Variants in HIP1 observed in about 807,000 individuals in gnomAD.
The protein encoded by HIP1 is huntingtin-interacting protein 1.
In HIP1, 65 loss-of-function variants were observed where a neutral mutation model predicts 147.6. The ratio of observed to expected loss-of-function variants is 0.44; its 90% CI spans 0.36 to 0.54. The LOEUF is 0.54. HIP1 is among the 20% of genes least tolerant of loss of function. The probability of loss-of-function intolerance (pLI) is 0.00; values close to 1 mark genes in which losing one functional copy is unlikely to be tolerated. For missense variants in HIP1, 1,061 were observed against 1,299.6 expected (o/e 0.82, Z 2.82); for synonymous variants, 479 against 504.0 (o/e 0.95, Z 0.67).
At position 75,573,822 on chromosome 7, in the gene HIP1, G is replaced by A. The variant is rs1795736113; in HGVS notation, c.684C>T (p.Val228=). Residue 228 remains valine, a synonymous_variant, in exon 8 of 31, where the codon GTC becomes GTT. Coordinates refer to ENST00000336926, the MANE Select transcript of HIP1 (RefSeq NM_005338.7). ...GQCRLAPLIQ[V]ILDCSHLYDY... ...CATAAAGGTGGCTGCAGTCCAAGAT[G>A]ACCTGGATCAGCGGGGCGAGGCGGC... The A allele has an allele frequency of 3.1e-6, 5 of 1,614,124 alleles. No homozygotes were observed. The East Asian group carries it at 8.9e-5, about 29-fold the overall frequency.
At chr7:75,692,395 G>T (rs2117300781) in intron 1 of HIP1, among the ~76,000 whole-genome samples, 1 of 151,084 alleles carries the variant, frequency 6.6e-6, no homozygotes, top group Non-Finnish European at 1.5e-5. Flanking sequence ...AAGCAGCTGG[G>T]ACTACAGGCA....
intron 1 of HIP1, among the ~76,000 whole-genome samples, chr7:75,630,831 A>C (rs1371670652): frequency 1.3e-5 from 2 of 152,186 alleles, no homozygotes; most frequent in African/African-American, 4.8e-5. Flanking sequence ...TGCAAGAAGC[A>C]ATGCTCCCCT....
chr7:75,600,283 G>C (rs937108755), intron 1 of HIP1, among the ~76,000 whole-genome samples: 28 of 151,762 alleles, frequency 1.8e-4, no homozygotes, highest in Non-Finnish European at 2.1e-4. Flanking sequence ...ACTAATTTTT[G>C]TATTTTTAGT....
chr7:75,556,596 G>T, intron 17 of HIP1, 114 bp downstream of exon 17: 1 of 691,950 alleles, frequency 1.4e-6, no homozygotes, highest in Non-Finnish European at 2.6e-6. Flanking sequence ...AAGTGGGGAG[G>T]ATCACCTGAG....
At chr7:75,594,090 G>A (rs1269677506) in intron 2 of HIP1, among the ~76,000 whole-genome samples, 6 of 152,160 alleles carry the variant, frequency 3.9e-5, no homozygotes, top group African/African-American at 1.4e-4. Flanking sequence ...AGATCAGCCT[G>A]ACCAATGTGG....
At chr7:75,713,748 G>A (rs1268016303) in intron 1 of HIP1, among the ~76,000 whole-genome samples, 2 of 151,632 alleles carry the variant, frequency 1.3e-5, no homozygotes, top group African/African-American at 4.9e-5. Context: ...CCAGGCTGGA[G>A]TGCAGTGGCA....
chr7:75,541,091 C>T (rs1215894912), intron 29 of HIP1, among the ~76,000 whole-genome samples: 2 of 151,288 alleles, frequency 1.3e-5, no homozygotes, highest in Non-Finnish European at 2.9e-5. Flanking sequence ...TAGTAAGACC[C>T]CGTCTCTATC....
At chr7:75,554,984 T>C (rs147359763) in intron 19 of HIP1, among the ~76,000 whole-genome samples, 3,255 of 151,938 alleles carry the variant, frequency 0.021, 53 homozygotes, top group Non-Finnish European at 0.029. Flanking sequence ...GGTGGGTGGA[T>C]AGCCTGAGCC....
At chr7:75,703,270 C>T (rs1401380403) in intron 1 of HIP1, among the ~76,000 whole-genome samples, 1 of 151,950 alleles carries the variant, frequency 6.6e-6, no homozygotes, top group Admixed American at 6.6e-5. Context: ...ACAGCCTGAA[C>T]CCAGGAGGCG....
intron 1 of HIP1, among the ~76,000 whole-genome samples, chr7:75,691,770 A>G (rs1238189628): frequency 6.6e-6 from 1 of 152,176 alleles, no homozygotes; most frequent in Non-Finnish European, 1.5e-5. Context: ...CCTGGGCAAC[A>G]AGAGCAAAAC....
At chr7:75,615,118 G>C (rs587678752) in intron 1 of HIP1, among the ~76,000 whole-genome samples, 8 of 152,260 alleles carry the variant, frequency 5.3e-5, no homozygotes, top group African/African-American at 1.2e-4. Context: ...GGGCAAGGCT[G>C]CCACACAGAT....
At chr7:75,733,555 A>T (rs985104636) in intron 1 of HIP1, 2 of 152,954 alleles carry the variant, frequency 1.3e-5, no homozygotes. Flanking sequence ...TGGCTGGGCC[A>T]TGAGGCAGGT....
chr7:75,574,946 G>A (rs1795792546), intron 7 of HIP1, among the ~76,000 whole-genome samples: 1 of 151,836 alleles, frequency 6.6e-6, no homozygotes, highest in African/African-American at 2.4e-5. Context: ...GACTGCCTGA[G>A]CCTGAGTTTG....
chr7:75,573,944 A>G (rs369241379), intron 7 of HIP1, 43 bp from the exon 8 acceptor site: 4 of 1,580,750 alleles, frequency 2.5e-6, no homozygotes, highest in Non-Finnish European at 3.5e-6. Flanking sequence ...GAGCCAGGGG[A>G]TTACAGGCAG....
In HIP1 at chr7:75,542,851, CT is replaced by C. The variant is rs1554490189; in HGVS notation, c.2889del (p.Asp964ThrfsTer8). 1 of 1,613,988 alleles carries C rather than the reference CT, an allele frequency of 6.2e-7. No homozygotes were observed. The highest frequency in any genetic ancestry group is 1.1e-5 in the South Asian group (1 of 91,042). On this transcript the variant is annotated frameshift_variant and splice_region_variant, in exon 28 of 31. Transcript: ENST00000336926. LOFTEE classifies it high-confidence loss of function. Reference protein sequence around the residue: ...TISGKSQIEETDNMDFSSMTL... With the variant: ...TISGKSQIEEXDNMDFSSMTL... The stretch of plus-strand genomic sequence containing the variant: ...AAAAGGGTCCCTTTGGAAAGGCTAC[CT>C]GTCTCTTCGATCTGTGATTTGCCGG...
At chr7:75,641,297 C>T (rs1376194787) in intron 1 of HIP1, among the ~76,000 whole-genome samples, 1 of 151,970 alleles carries the variant, frequency 6.6e-6, no homozygotes, top group Non-Finnish European at 1.5e-5. Context: ...CAGAGTGAGA[C>T]TAGGGTCTTG....
intron 1 of HIP1, among the ~76,000 whole-genome samples, chr7:75,676,526 C>T (rs990014182): frequency 6.6e-6 from 1 of 151,884 alleles, no homozygotes; most frequent in Non-Finnish European, 1.5e-5. Context: ...CCTGTAATCC[C>T]AGCACTTTGG....
intron 1 of HIP1, among the ~76,000 whole-genome samples, chr7:75,714,504 G>A (rs1283297786): frequency 2.0e-5 from 3 of 149,608 alleles, no homozygotes; most frequent in Admixed American, 1.3e-4. Flanking sequence ...CCAGGCTGGA[G>A]TGCAGTGGCA....
rs782266288 is a variant in HIP1 at position 75,546,954 on chromosome 7, A to C, written c.2544T>G (p.Ile848Met). The C allele has an allele frequency of 7.6e-6, 12 of 1,574,346 alleles. No homozygotes were observed. In the South Asian group the frequency reaches 1.3e-4, roughly 17 times the overall value. The change falls in exon 25 of 31, where the codon ATT becomes ATG. Residue 848 changes from isoleucine (I) to methionine (M), a missense_variant. Physicochemically the swap from Ile to Met is conservative, Grantham distance 10. This residue lies in a region of HIP1 where 810 missense variants were observed against 946.8 expected (regional missense o/e 0.86). Transcript: ENST00000336926. ...IVASKDLQRE[I>M]VESGRGTASP... ...CCACGCTCACCCTGCCGCTCTCCAC[A>C]ATCTCTCTCTGGAGGTCCTTAGAGG...
Sources: allele counts gnomAD v4.1 joint callset (sites outside exome capture counted in the v4.1 genomes callset), GRCh38; gene constraint gnomAD v4.1.1; regional missense constraint gnomAD v4.1.1; transcripts MANE v1.5; gene names NCBI Gene and HGNC (gene_info 2026-07-23, HGNC 2026-07-21).